Variants in RARB observed in about 807,000 individuals in gnomAD.
RARB encodes retinoic acid receptor beta.
In RARB, 17 loss-of-function variants were observed where a neutral mutation model predicts 51.9. The observed-to-expected ratio is 0.33, with a 90% CI of 0.22 to 0.49. RARB has a LOEUF of 0.49. Ranked by LOEUF, RARB falls within the 20% of genes least tolerant of loss-of-function variation. The pLI is 0.99. For missense variants in RARB, 369 were observed against 550.8 expected (o/e 0.67, Z 3.30); for synonymous variants, 215 against 195.4 (o/e 1.10, Z -0.84).
intron 5 of RARB, among the ~76,000 whole-genome samples, chr3:25,361,017 G>T (rs1175293092): frequency 1.3e-5 from 2 of 152,286 alleles, no homozygotes; most frequent in East Asian, 3.9e-4. Context: ...GAATTTGAAT[G>T]TTGGCCTACC....
At chr3:25,144,203 A>G (rs911102053) in intron 4 of RARB, among the ~76,000 whole-genome samples, 3 of 152,170 alleles carry the variant, frequency 2.0e-5, no homozygotes, top group Non-Finnish European at 4.4e-5. Flanking sequence ...AGTATCTGAA[A>G]AGTTAATACA....
At position 25,403,398 on chromosome 3, in the gene RARB, C is replaced by T. The variant is rs190097586; in HGVS notation, c.179-57795C>T. 1.8e-4 allele frequency among the ~76,000 whole-genome samples: 28 copies of T among 151,718 alleles called. 1 individual carries two copies. Among genetic ancestry groups the T allele is most frequent in the Middle Eastern group, 6.8e-3 (2 of 294 alleles). On this transcript the variant is annotated intron_variant, in intron 5 of 11. Coordinates refer to the RARB transcript ENST00000383772. ...ATAAATATATATACTTACTGTGTAC[C>T]CACAAAAATTACAAATAAGAAAATT...
chr3:25,317,832 AACATTATTGGGGTACCTCTTTTAC>A (rs2125437557), intron 5 of RARB, among the ~76,000 whole-genome samples: 1 of 152,286 alleles, frequency 6.6e-6, no homozygotes, highest in Non-Finnish European at 1.5e-5. Flanking sequence ...CTGGTATAAA[AACATTATTGGGGTACCTCTTTTAC>A]ACTATGAATC....
chr3:25,179,115 C>A (rs1454071254), intron 5 of RARB, among the ~76,000 whole-genome samples: 1 of 152,154 alleles, frequency 6.6e-6, no homozygotes, highest in Non-Finnish European at 1.5e-5. Context: ...AAAATCCCAA[C>A]CTTCTGGAGA....
chr3:25,060,936 C>G (rs923700835), intron 3 of RARB, among the ~76,000 whole-genome samples: 2 of 151,830 alleles, frequency 1.3e-5, no homozygotes, highest in Admixed American at 1.3e-4. Context: ...TGTATTCACA[C>G]AGATGAAGCA....
chr3:24,966,097 ATTT>A (rs1225973734), intron 2 of RARB, among the ~76,000 whole-genome samples: 5 of 85,594 alleles, frequency 5.8e-5, no homozygotes, highest in Admixed American at 4.1e-4. Flanking sequence ...TTATCTTTGA[ATTT>A]TTTTTTTTTT....
chr3:24,837,464 A>C (rs748124483), intron 1 of RARB, among the ~76,000 whole-genome samples: 3 of 152,244 alleles, frequency 2.0e-5, no homozygotes, highest in Non-Finnish European at 4.4e-5. Context: ...TGTTACAATG[A>C]CAATTGTGGT....
chr3:25,555,797 A>T lies in RARB; in HGVS notation c.449-13961A>T, dbSNP rs571644146. 5.3e-5 allele frequency among the ~76,000 whole-genome samples: 8 copies of T among 152,264 alleles called. No individual in the cohort carries two copies. In the East Asian group the frequency reaches 1.5e-3, roughly 29 times the overall value. On this transcript the variant is annotated intron_variant, in intron 3 of 7. Coordinates refer to ENST00000330688, the MANE Select transcript of RARB (RefSeq NM_000965.5). ...TGTTGGAGTTCTCTACTGCTTGCTG[A>T]TCTACCATTGCCTTTCCTCTCTCCA...
At chr3:25,433,927 T>G (rs1708311732) in intron 1 of RARB, among the ~76,000 whole-genome samples, 2 of 152,242 alleles carry the variant, frequency 1.3e-5, no homozygotes, top group Non-Finnish European at 2.9e-5. Context: ...ACTGGCATTT[T>G]GTCTTGAGCT....
chr3:25,280,790 C>T (rs1213207962), intron 5 of RARB, among the ~76,000 whole-genome samples: 1 of 152,098 alleles, frequency 6.6e-6, no homozygotes, highest in African/African-American at 2.4e-5. Flanking sequence ...ACTTGATTTG[C>T]CATTTTTTGC....
chr3:24,848,503 A>G (rs561743432), intron 1 of RARB, among the ~76,000 whole-genome samples: 1 of 152,290 alleles, frequency 6.6e-6, no homozygotes, highest in East Asian at 1.9e-4. Flanking sequence ...CTGCCTAAGT[A>G]CTACTTAATG....
At chr3:25,455,663 A>C (rs1256955821) in intron 1 of RARB, among the ~76,000 whole-genome samples, 3 of 152,176 alleles carry the variant, frequency 2.0e-5, no homozygotes, top group Non-Finnish European at 4.4e-5. Flanking sequence ...CAGCCCTCTC[A>C]GCATCACTGG....
intron 2 of RARB, among the ~76,000 whole-genome samples, chr3:25,466,380 G>A (rs992716023): frequency 6.6e-6 from 1 of 152,112 alleles, no homozygotes; most frequent in African/African-American, 2.4e-5. Context: ...ATTTTTAGTA[G>A]AGACGGGGTT....
chr3:25,483,108 G>T (rs1415067185), intron 2 of RARB, among the ~76,000 whole-genome samples: 2 of 152,182 alleles, frequency 1.3e-5, no homozygotes, highest in African/African-American at 4.8e-5. Context: ...TCAAAGAGAT[G>T]TGAGAATTAC....
Position 25,216,699 on chromosome 3 carries a change from GTTTT to G in RARB, c.178+42131_178+42134del, listed in dbSNP as rs552371017. On this transcript the variant is annotated intron_variant, in intron 5 of 11. Transcript: ENST00000383772. ...TCTGCACATTCTGCACGTGTATCCT[GTTTT>G]TTTTTTAGAAGAAACAAAATATAGG... Among the ~76,000 whole-genome samples, 3 of 145,274 alleles carry G rather than the reference GTTTT, an allele frequency of 2.1e-5. No individual in the cohort carries two copies. The East Asian group carries it at 6.1e-4, about 29-fold the overall frequency.
chr3:25,429,877 G>A (rs1412958539), intron 1 of RARB, among the ~76,000 whole-genome samples: 1 of 152,168 alleles, frequency 6.6e-6, no homozygotes, highest in African/African-American at 2.4e-5. Flanking sequence ...AATGTTTTTA[G>A]TACTTTATTT....
chr3:24,956,235 G>A (rs1696011419), intron 2 of RARB, among the ~76,000 whole-genome samples: 1 of 152,180 alleles, frequency 6.6e-6, no homozygotes, highest in Non-Finnish European at 1.5e-5. Flanking sequence ...TGAGGAGGAT[G>A]AGAGAAGGGG....
chr3:25,318,863 C>T (rs764302432), intron 5 of RARB, among the ~76,000 whole-genome samples: 27 of 152,254 alleles, frequency 1.8e-4, no homozygotes, highest in Non-Finnish European at 3.2e-4. Context: ...TGTCATCAGA[C>T]AATATCCTTA....
At chr3:25,321,990 G>T (rs1444293826) in intron 5 of RARB, among the ~76,000 whole-genome samples, 1 of 151,794 alleles carries the variant, frequency 6.6e-6, no homozygotes, top group Admixed American at 6.6e-5. Flanking sequence ...GATAATAGTT[G>T]AAGGAAAAAT....
Sources: allele counts gnomAD v4.1 joint callset (sites outside exome capture counted in the v4.1 genomes callset), GRCh38; gene constraint gnomAD v4.1.1; transcripts MANE v1.5; gene names NCBI Gene and HGNC (gene_info 2026-07-23, HGNC 2026-07-21).